The following BMX variants were observed in gnomAD, a reference collection of about 807,000 sequenced individuals.
The protein encoded by BMX is cytoplasmic tyrosine-protein kinase BMX.
A neutral mutation model predicts 59.2 loss-of-function variants in BMX; 31 were observed. The observed-to-expected ratio is 0.52, with a 90% CI of 0.39 to 0.71. BMX has a LOEUF of 0.71. Ranked by LOEUF, BMX falls within the 30% of genes least tolerant of loss-of-function variation. The probability of loss-of-function intolerance (pLI) is 0.00; values close to 1 mark genes in which losing one functional copy is unlikely to be tolerated. For missense variants in BMX, 474 were observed against 491.7 expected, an observed-to-expected ratio of 0.96 and a Z score of 0.34; for synonymous variants, 185 against 181.0, an observed-to-expected ratio of 1.02 and a Z score of -0.18.
chrX:15,546,470 A>G (rs1266592757), intron 16 of BMX, among the ~76,000 whole-genome samples: 1 of 112,085 alleles, frequency 8.9e-6, no homozygotes, highest in African/African-American at 3.2e-5. Flanking sequence ...ATATGTGGGA[A>G]ATAAGATCAG....
At chrX:15,543,783 C>T (rs1434443615) in intron 16 of BMX, among the ~76,000 whole-genome samples, 1 of 111,556 alleles carries the variant, frequency 9.0e-6, no homozygotes, top group Admixed American at 9.5e-5. Flanking sequence ...CATTCTACCA[C>T]CACTTAATGA....
chrX:15,537,999 G>A (rs1356240918), intron 14 of BMX, among the ~76,000 whole-genome samples: 2 of 110,701 alleles, frequency 1.8e-5, no homozygotes, highest in Non-Finnish European at 3.8e-5. Context: ...GAAAATTAAT[G>A]CTCTACCAAC....
intron 12 of BMX, among the ~76,000 whole-genome samples, chrX:15,535,356 T>C (rs918878431): frequency 1.8e-5 from 2 of 111,572 alleles, no homozygotes; most frequent in Admixed American, 1.9e-4. Flanking sequence ...CTTGATTGCA[T>C]GCATGTAGGT....
intron 17 of BMX, among the ~76,000 whole-genome samples, chrX:15,548,083 G>GA (rs1328246989): frequency 1.8e-5 from 2 of 111,830 alleles, no homozygotes; most frequent in African/African-American, 3.3e-5. Flanking sequence ...CACAGAAAAA[G>GA]AAAAAAAATC....
intron 6 of BMX, among the ~76,000 whole-genome samples, chrX:15,521,588 T>A (rs1350400505): frequency 9.0e-6 from 1 of 111,703 alleles, no homozygotes; most frequent in African/African-American, 3.3e-5. Flanking sequence ...TTCCTTGCAT[T>A]TTCCAGTTCC....
In BMX at chrX:15,508,467, T is replaced by C; in HGVS notation, c.114T>C (p.Leu38=). Residue 38 remains leucine, a synonymous_variant, in exon 2 of 19, where the codon CTT becomes CTC. Transcript: ENST00000348343. The part of the protein sequence containing the change: ...ERLFVLTKTN[L]SYYEYDKMKR... ...TTTTTGTTTTGACCAAAACAAACCT[T>C]TCCTACTATGAATATGACAAAATGG... The C allele has an allele frequency of 5.1e-6, 6 of 1,184,843 alleles. No individual in the cohort carries two copies. Among genetic ancestry groups the C allele is most frequent in the Non-Finnish European group, 6.8e-6 (6 of 883,805 alleles).
At chrX:15,543,774 A>C (rs1394164835) in intron 16 of BMX, among the ~76,000 whole-genome samples, 3 of 111,789 alleles carry the variant, frequency 2.7e-5, no homozygotes, top group African/African-American at 9.8e-5. Flanking sequence ...CTTGATGGGC[A>C]TTCTACCACC....
At chrX:15,526,200 T>C in intron 9 of BMX, 105 bp downstream of exon 9, 1 of 647,876 alleles carries the variant, frequency 1.5e-6, no homozygotes, top group Non-Finnish European at 2.3e-6. Context: ...CTCAGGAGGC[T>C]GTATTTACAT....
At chrX:15,538,196 T>G in intron 14 of BMX, among the ~76,000 whole-genome samples, 1 of 107,880 alleles carries the variant, frequency 9.3e-6, no homozygotes, top group African/African-American at 3.4e-5. Flanking sequence ...TCTTCCTCTC[T>G]CTCCTTCTCT....
At chrX:15,539,395 T>C (rs1925540792) in intron 14 of BMX, among the ~76,000 whole-genome samples, 2 of 111,581 alleles carry the variant, frequency 1.8e-5, no homozygotes, top group African/African-American at 3.3e-5. Context: ...TATCAGTTAA[T>C]ATGGCGCCCT....
intron 11 of BMX, among the ~76,000 whole-genome samples, chrX:15,531,731 C>G (rs900567498): frequency 8.1e-5 from 9 of 111,203 alleles, no homozygotes; most frequent in African/African-American, 2.9e-4. Flanking sequence ...TCATTCAGGT[C>G]TAAGCCTGGA....
intron 14 of BMX, among the ~76,000 whole-genome samples, chrX:15,540,241 C>G (rs1925593792): frequency 9.0e-6 from 1 of 111,557 alleles, no homozygotes; most frequent in Non-Finnish European, 1.9e-5. Flanking sequence ...CCATGGAATA[C>G]TATGCAGCCA....
chrX:15,551,559 A>C (rs984046262), intron 18 of BMX, among the ~76,000 whole-genome samples: 22 of 107,459 alleles, frequency 2.0e-4, no homozygotes, highest in Non-Finnish European at 3.8e-4. Flanking sequence ...TTTTTTTTAC[A>C]AAGCATCTAT....
At chrX:15,501,814 G>A (rs977291995) in intron 1 of BMX, among the ~76,000 whole-genome samples, 2 of 111,335 alleles carry the variant, frequency 1.8e-5, no homozygotes, top group African/African-American at 6.6e-5. Flanking sequence ...ATGGTAACTC[G>A]TCTCAGGATG....
chrX:15,542,019 G>A lies in BMX; in HGVS notation c.1432G>A (p.Val478Met). 8.3e-7 allele frequency: 1 copy of A among 1,210,694 alleles called. No homozygotes were observed. Among genetic ancestry groups the A allele is most frequent in the Non-Finnish European group, 1.1e-6 (1 of 895,264 alleles). Residue 478 changes from valine to methionine, a missense_variant, in exon 15 of 19, where the codon GTG becomes ATG. Transcript: ENST00000348343. ...SHPKLVKFYG[V>M]CSKEYPIYIV... Reference sequence around the variant, plus strand: ...TCCCAAGCTGGTTAAATTCTATGGAGTGTGTTCAAAGGAATACCCCATATA... The same window carrying A: ...TCCCAAGCTGGTTAAATTCTATGGAATGTGTTCAAAGGAATACCCCATATA...
At chrX:15,554,514 G>T (rs1220943216) in intron 18 of BMX, among the ~76,000 whole-genome samples, 1 of 109,951 alleles carries the variant, frequency 9.1e-6, no homozygotes, top group African/African-American at 3.3e-5. Context: ...ATTGAGGGTG[G>T]GTGGGTTTTT....
At chrX:15,517,146 A>C (rs984819735) in intron 5 of BMX, among the ~76,000 whole-genome samples, 1 of 111,943 alleles carries the variant, frequency 8.9e-6, no homozygotes, top group African/African-American at 3.3e-5. Flanking sequence ...CCCCCAAAAA[A>C]TCAATTAATA....
At chrX:15,502,403 G>C (rs1045556691) in intron 1 of BMX, among the ~76,000 whole-genome samples, 2 of 112,017 alleles carry the variant, frequency 1.8e-5, no homozygotes, top group African/African-American at 6.5e-5. Flanking sequence ...CTGAAAAGAA[G>C]AAAAGACTTA....
intron 7 of BMX, 147 bp from the exon 8 acceptor site, chrX:15,525,140 TC>T: frequency 2.0e-6 from 1 of 510,364 alleles, no homozygotes; most frequent in Non-Finnish European, 3.1e-6. Flanking sequence ...TGAAAGTAAC[TC>T]ATTAGCTTAA....
Sources: allele counts gnomAD v4.1 joint callset (sites outside exome capture counted in the v4.1 genomes callset), GRCh38; gene constraint gnomAD v4.1.1; transcripts MANE v1.5; gene names NCBI Gene and HGNC (gene_info 2026-07-23, HGNC 2026-07-21).